The following SMAP2 variants were observed in gnomAD, a reference collection of about 807,000 sequenced individuals.
SMAP2 encodes stromal membrane-associated protein 2.
SMAP2 carries 25 observed loss-of-function variants against 56.4 expected under a neutral mutation model. The ratio of observed to expected loss-of-function variants is 0.44; its 90% CI spans 0.32 to 0.62. The LOEUF (loss-of-function observed/expected upper bound fraction) is 0.62, where lower values mean the gene tolerates loss of function less well. Ranked by LOEUF, SMAP2 falls within the 20% of genes least tolerant of loss-of-function variation. The pLI is 0.04. For missense variants in SMAP2, 388 were observed against 545.6 expected (o/e 0.71, Z 2.88); for synonymous variants, 157 against 181.7 (o/e 0.86, Z 1.09).
chr1:40,404,474 T>C (rs752260273), intron 1 of SMAP2, among the ~76,000 whole-genome samples: 2 of 152,232 alleles, frequency 1.3e-5, no homozygotes, highest in Non-Finnish European at 2.9e-5. Context: ...AAAAAGACTT[T>C]AAGTACGCTG....
At chr1:40,379,191 C>T (rs1057017646) in intron 1 of SMAP2, among the ~76,000 whole-genome samples, 4 of 151,928 alleles carry the variant, frequency 2.6e-5, no homozygotes, top group Admixed American at 6.6e-5. Context: ...AGGCTGGCCT[C>T]GAACTCCTGG....
intron 1 of SMAP2, among the ~76,000 whole-genome samples, chr1:40,355,485 A>G (rs951367413): frequency 2.0e-5 from 3 of 152,260 alleles, no homozygotes; most frequent in Admixed American, 6.5e-5. Context: ...CATACAATGC[A>G]TAATAATCAC....
Position 40,422,432 on chromosome 1 carries a change from G to A in SMAP2, c.*331G>A, listed in dbSNP as rs1645052359. ...CCCTTCCCTCAAGGTTAAAGCTCCT[G>A]TCAGACTCTCAGAAGGGTCTGTGGG... On this transcript the variant is annotated 3_prime_UTR_variant, in exon 10 of 10. Coordinates refer to ENST00000372718, the MANE Select transcript of SMAP2 (RefSeq NM_022733.3). The A allele has an allele frequency of 1.4e-5, 4 of 289,456 alleles. 1 individual carries two copies. The South Asian group carries it at 1.7e-4, about 12-fold the overall frequency. The allele number at this position is 289,456 out of a possible 1,614,324, so 17.9% of individuals were successfully genotyped here. A position where few individuals can be genotyped will look rare whatever the true frequency, so the allele number is the denominator to read the frequency against.
At chr1:40,356,398 G>GTTTTTT (rs749954980) in intron 1 of SMAP2, among the ~76,000 whole-genome samples, 1 of 147,186 alleles carries the variant, frequency 6.8e-6, no homozygotes, top group Non-Finnish European at 1.5e-5. Flanking sequence ...TTTTTTGTGG[G>GTTTTTT]TTTTTTGTTT....
At chr1:40,395,125 T>C (rs1207417019) in intron 1 of SMAP2, among the ~76,000 whole-genome samples, 1 of 152,052 alleles carries the variant, frequency 6.6e-6, no homozygotes, top group Non-Finnish European at 1.5e-5. Flanking sequence ...TGGTGGGGGG[T>C]CCAGTGACAT....
chr1:40,382,655 C>T (rs969721043), intron 1 of SMAP2, among the ~76,000 whole-genome samples: 2 of 152,160 alleles, frequency 1.3e-5, no homozygotes, highest in African/African-American at 4.8e-5. Flanking sequence ...GAGTAGAACA[C>T]CTTAAAGTTA....
chr1:40,381,245 AC>A (rs1309963076), intron 1 of SMAP2, among the ~76,000 whole-genome samples: 1 of 152,228 alleles, frequency 6.6e-6, no homozygotes, highest in Non-Finnish European at 1.5e-5. Flanking sequence ...CAGACATTGT[AC>A]CGGGACATAT....
chr1:40,410,170 A>C (rs765868235), intron 4 of SMAP2, among the ~76,000 whole-genome samples: 1 of 152,086 alleles, frequency 6.6e-6, no homozygotes, highest in Non-Finnish European at 1.5e-5. Flanking sequence ...TACGTGAGCC[A>C]GGGAGGTTGA....
chr1:40,349,305 G>A (rs764067773), intron 1 of SMAP2, among the ~76,000 whole-genome samples: 7 of 152,092 alleles, frequency 4.6e-5, no homozygotes, highest in Non-Finnish European at 8.8e-5. Flanking sequence ...TGTTGAGCAC[G>A]TACAGTATCC....
intron 9 of SMAP2, among the ~76,000 whole-genome samples, chr1:40,421,411 C>T (rs1645040357): frequency 6.6e-6 from 1 of 151,866 alleles, no homozygotes; most frequent in Non-Finnish European, 1.5e-5. Flanking sequence ...CTGTTTTCTC[C>T]CAGCTCCTTC....
At chr1:40,389,105 G>A (rs148429837) in intron 1 of SMAP2, among the ~76,000 whole-genome samples, 6 of 152,222 alleles carry the variant, frequency 3.9e-5, no homozygotes, top group Admixed American at 2.6e-4. Flanking sequence ...GAGGGTCCAC[G>A]GCTTCATTCT....
intron 2 of SMAP2, among the ~76,000 whole-genome samples, chr1:40,366,303 C>T (rs1352587615): frequency 6.8e-6 from 1 of 147,034 alleles, no homozygotes; most frequent in Non-Finnish European, 1.5e-5. Context: ...GGAGAACTTC[C>T]CCAATTTAGC....
In SMAP2 at chr1:40,374,704, T is replaced by TA; in HGVS notation, c.103+484dup. On this transcript the variant is annotated intron_variant, in intron 1 of 9. Coordinates refer to ENST00000372718, the MANE Select transcript of SMAP2 (RefSeq NM_022733.3). The surrounding 1 kb of genome is among the most constrained non-coding windows in gnomAD (Gnocchi z 5.9). ...AAAGGAAAACTGCTTAAATGATTTT[T>TA]AAAGGTGGTGATTTTTGCTTCCTGC... 1 of 1,550,450 alleles carries TA rather than the reference T, an allele frequency of 6.4e-7. No homozygotes were observed. Among genetic ancestry groups the TA allele is most frequent in the Non-Finnish European group, 8.7e-7 (1 of 1,146,968 alleles).
At chr1:40,384,709 G>A (rs1644636565) in intron 1 of SMAP2, among the ~76,000 whole-genome samples, 1 of 152,132 alleles carries the variant, frequency 6.6e-6, no homozygotes, top group African/African-American at 2.4e-5. Context: ...AATTGCATAG[G>A]TTTCCTTGTT....
rs373187677 is a variant in SMAP2, at chr1:40,374,216, G to T, written c.96G>T (p.Gln32His). 1.1e-5 allele frequency: 17 copies of T among 1,611,456 alleles called. No individual in the cohort carries two copies. The highest frequency in any genetic ancestry group is 1.4e-5 in the Non-Finnish European group (17 of 1,178,938). ...EEDNKFCADC[Q>H]SKGPRWASWN... ...ATAACAAGTTTTGTGCAGATTGCCA[G>T]TCTAAAGGTAGCGCATCCCACCTGG... is the stretch of plus-strand genomic sequence containing the variant. Residue 32 changes from glutamine (Q) to histidine (H), a missense_variant, in exon 1 of 10, where the codon CAG becomes CAT. Physicochemically the swap from Gln to His is conservative, Grantham distance 24. Transcript: ENST00000372718. This position sits in a 1 kb window ranked among gnomAD's most constrained non-coding sequence, Gnocchi z 5.9.
At chr1:40,377,336 A>C (rs1191321443) in intron 1 of SMAP2, among the ~76,000 whole-genome samples, 1 of 152,142 alleles carries the variant, frequency 6.6e-6, no homozygotes, top group Non-Finnish European at 1.5e-5. Context: ...ATAGAGAACA[A>C]GCTTGTGTTC....
At chr1:40,421,634 C>G (rs1161276677) in intron 9 of SMAP2, among the ~76,000 whole-genome samples, 2 of 152,096 alleles carry the variant, frequency 1.3e-5, no homozygotes, top group Non-Finnish European at 2.9e-5. Context: ...TAGGATTGGC[C>G]AGGCAAGTTA....
chr1:40,351,509 T>G (rs1569813864), intron 1 of SMAP2, among the ~76,000 whole-genome samples: 1 of 152,272 alleles, frequency 6.6e-6, no homozygotes, highest in Non-Finnish European at 1.5e-5. Flanking sequence ...TTTTATTTAT[T>G]TATTTATTTT....
chr1:40,409,718 A>G, intron 3 of SMAP2, 39 bp from the exon 4 acceptor site: 2 of 1,334,550 alleles, frequency 1.5e-6, no homozygotes, highest in Admixed American at 1.7e-5. Context: ...TTGCTGTTTG[A>G]GAGGCTTGTT....
Sources: gnomAD v4.1 joint callset for allele counts (sites outside exome capture counted in the v4.1 genomes callset) on GRCh38, gnomAD v4.1.1 for gene constraint, Gnocchi (gnomAD v3.1) non-coding constraint, MANE v1.5 for transcripts, NCBI Gene and HGNC (gene_info 2026-07-23, HGNC 2026-07-21) for gene names.